SYNE2: variants seen among roughly 807,000 people sequenced by gnomAD.
The protein encoded by SYNE2 is nesprin-2.
A neutral mutation model predicts 856.3 loss-of-function variants in SYNE2; 431 were observed. That is an observed-to-expected ratio of 0.50 (90% confidence interval 0.47 to 0.55). The LOEUF (loss-of-function observed/expected upper bound fraction) is 0.55, where lower values mean the gene tolerates loss of function less well. Ranked by LOEUF, SYNE2 falls within the 20% of genes least tolerant of loss-of-function variation. The probability of loss-of-function intolerance (pLI) is 0.00; values close to 1 mark genes in which losing one functional copy is unlikely to be tolerated. For synonymous variants in SYNE2, 2,923 were observed against 2,872.3 expected, an observed-to-expected ratio of 1.02 and a Z score of -0.56; for missense variants, 8,129 against 8,023.2, an observed-to-expected ratio of 1.01 and a Z score of -0.50.
At chr14:63,948,580 T>G (rs2096073522) in intron 6 of SYNE2, among the ~76,000 whole-genome samples, 1 of 150,318 alleles carries the variant, frequency 6.7e-6, no homozygotes, top group African/African-American at 2.4e-5. Flanking sequence ...GAGAATCACT[T>G]GAACCGGGAG....
chr14:64,020,547 A>G (rs1371028634), intron 35 of SYNE2, among the ~76,000 whole-genome samples: 1 of 152,202 alleles, frequency 6.6e-6, no homozygotes, highest in Middle Eastern at 3.2e-3. Flanking sequence ...CAATGATATT[A>G]TATTTTTGTA....
At position 63,764,556 on chromosome 14, in the gene SYNE2, CTTTTT is replaced by C. The variant is rs34093002; in HGVS notation, c.-305+2582_-305+2586del. ...AAAAAAAAAATCTGTTCTTTTGACT[CTTTTT>C]TTTTTTTTTTTGATTTATTTTACTT... On this transcript the variant is annotated intron_variant, in intron 1 of 23. Transcript: ENST00000674003. 9.9e-5 allele frequency among the ~76,000 whole-genome samples: 12 copies of C among 121,126 alleles called. No homozygotes were observed. The East Asian group carries it at 2.8e-3, about 28-fold the overall frequency. The allele number at this position is 121,126 out of a possible 152,430, so 79.5% of individuals were successfully genotyped here.
intron 96 of SYNE2, among the ~76,000 whole-genome samples, chr14:64,178,640 G>C (rs186021326): frequency 6.6e-4 from 100 of 152,216 alleles, no homozygotes; most frequent in Middle Eastern, 6.8e-3. Context: ...TCTATTTTTT[G>C]TAGAGACAGG....
rs1202585570 is a variant in SYNE2 at position 63,942,033 on chromosome 14, G to A, written c.316-18G>A. The stretch of plus-strand genomic sequence containing the variant: ...CTGGGATATTTCCTCCTTTTAACCT[G>A]CACTTTTTGTTTTCCAGATTAAGCT... On this transcript the variant is annotated intron_variant, in intron 5 of 115. Coordinates refer to ENST00000555002, the MANE Select transcript of SYNE2 (RefSeq NM_182914.3). The A allele has an allele frequency of 6.3e-7, 1 of 1,599,118 alleles. No individual in the cohort carries two copies. Among genetic ancestry groups the A allele is most frequent in the South Asian group, 1.1e-5 (1 of 90,788 alleles).
chr14:64,089,289 C>T (rs1595441902), intron 58 of SYNE2, among the ~76,000 whole-genome samples: 1 of 146,076 alleles, frequency 6.8e-6, no homozygotes, highest in African/African-American at 2.6e-5. Flanking sequence ...TCGCTTGAAC[C>T]TGGGAGGCGG....
At chr14:63,767,890 G>A (rs113199045) in intron 1 of SYNE2, among the ~76,000 whole-genome samples, 2,309 of 152,148 alleles carry the variant, frequency 0.015, 69 homozygotes, top group African/African-American at 0.052. Flanking sequence ...TGAAAGGAGG[G>A]ATATATGAAA....
chr14:64,016,039 C>T (rs1272293852), intron 32 of SYNE2, among the ~76,000 whole-genome samples: 1 of 151,718 alleles, frequency 6.6e-6, no homozygotes, highest in Non-Finnish European at 1.5e-5. Flanking sequence ...AGTTAGAATC[C>T]AAGATGTCTT....
chr14:64,008,412 A>C (rs2096816847), intron 31 of SYNE2, among the ~76,000 whole-genome samples: 1 of 152,170 alleles, frequency 6.6e-6, no homozygotes, highest in Non-Finnish European at 1.5e-5. Flanking sequence ...CCCCTACCTG[A>C]ATGGGAGATG....
chr14:64,086,804 G>C (rs2097566016), intron 57 of SYNE2, among the ~76,000 whole-genome samples: 1 of 142,608 alleles, frequency 7.0e-6, no homozygotes, highest in Non-Finnish European at 1.5e-5. Context: ...CCGCCTCCTG[G>C]GTTCAAGCGA....
chr14:64,068,803 A>C (rs2097377762), intron 51 of SYNE2, among the ~76,000 whole-genome samples: 1 of 147,676 alleles, frequency 6.8e-6, no homozygotes, highest in African/African-American at 2.6e-5. Context: ...GGGAGGTTAC[A>C]GTGAGCCGAG....
chr14:63,808,170 C>G (rs1272922026), intron 1 of SYNE2, among the ~76,000 whole-genome samples: 1 of 151,634 alleles, frequency 6.6e-6, no homozygotes, highest in Non-Finnish European at 1.5e-5. Context: ...TCAAGCGATT[C>G]CCCTGCCTTG....
rs1405161851 is a variant in SYNE2 at position 63,924,832 on chromosome 14, GTGTTTTTTTTTTTT to G, written c.79+15607_79+15620del. Among the ~76,000 whole-genome samples the G allele has an allele frequency of 9.5e-4, 88 of 92,860 alleles. 7 individuals carry two copies. Among genetic ancestry groups the G allele is most frequent in the Middle Eastern group, 5.9e-3 (1 of 170 alleles). 60.9% of individuals were successfully genotyped at this position (92,860 alleles called of 152,430 possible). A position where few individuals can be genotyped will look rare whatever the true frequency, so the allele number is the denominator to read the frequency against. ...TTTAACTTTTTTCCTTCCAGCCTTG[GTGTTTTTTTTTTTT>G]TTTTTTTTTTTTTTTTTGCCTTACT... On this transcript the variant is annotated intron_variant, in intron 2 of 115. Transcript: ENST00000555002.
At position 64,113,369 on chromosome 14, in the gene SYNE2, C is replaced by T; in HGVS notation, c.12638C>T (p.Thr4213Ile). The change falls in exon 66 of 116, where the codon ACT becomes ATT. Residue 4213 changes from threonine (T) to isoleucine (I), a missense_variant. Coordinates refer to ENST00000555002, the MANE Select transcript of SYNE2 (RefSeq NM_182914.3). ...EGTTPPIEAD[T>I]LDSSDAQGGL... Reference sequence around the variant, plus strand: ...ACCACACCTCCTATTGAGGCTGACACTCTGGACTCTTCTGACGCGCAAGGA... The same window carrying T: ...ACCACACCTCCTATTGAGGCTGACATTCTGGACTCTTCTGACGCGCAAGGA... The T allele has an allele frequency of 1.2e-6, 2 of 1,614,078 alleles. No homozygotes were observed. The highest frequency in any genetic ancestry group is 1.7e-6 in the Non-Finnish European group (2 of 1,180,032).
At chr14:63,982,982 A>C (rs866603294) in intron 17 of SYNE2, among the ~76,000 whole-genome samples, 188 bp downstream of exon 17, 1 of 152,250 alleles carries the variant, frequency 6.6e-6, no homozygotes, top group African/African-American at 2.4e-5. Flanking sequence ...ATTTTCTTCC[A>C]ACCCCCACCC....
intron 7 of SYNE2, among the ~76,000 whole-genome samples, chr14:63,951,688 T>TACATTAAATGAACATAAAGA (rs2096163544): frequency 6.6e-6 from 1 of 152,246 alleles, no homozygotes; most frequent in Non-Finnish European, 1.5e-5. Context: ...AGGTTTAAAG[T>TACATTAAATGAACATAAAGA]ACATTAAATG....
At chr14:63,792,183 T>C (rs905134192) in intron 1 of SYNE2, among the ~76,000 whole-genome samples, 21 of 152,086 alleles carry the variant, frequency 1.4e-4, no homozygotes, top group African/African-American at 5.1e-4. Flanking sequence ...GATAAATAAA[T>C]AGGGTTCAAT....
chr14:63,898,553 TGCCACC>T (rs2095291024), intron 1 of SYNE2, among the ~76,000 whole-genome samples: 1 of 151,996 alleles, frequency 6.6e-6, no homozygotes, highest in South Asian at 2.1e-4. Context: ...TACAGGCGCA[TGCCACC>T]GCACCTGGTT....
intron 1 of SYNE2, among the ~76,000 whole-genome samples, chr14:63,881,507 A>G (rs1339371162): frequency 6.6e-6 from 1 of 151,526 alleles, no homozygotes; most frequent in Non-Finnish European, 1.5e-5. Context: ...AAAACAAAAC[A>G]ATCTGATCTT....
chr14:64,125,241 T>C, intron 71 of SYNE2, 31 bp downstream of exon 71: 1 of 1,613,572 alleles, frequency 6.2e-7, no homozygotes, highest in Non-Finnish European at 8.5e-7. Flanking sequence ...GTTTTCCTCA[T>C]TGTAATAACA....
Sources: gnomAD v4.1 joint callset for allele counts (sites outside exome capture counted in the v4.1 genomes callset) on GRCh38, gnomAD v4.1.1 for gene constraint, MANE v1.5 for transcripts, NCBI Gene and HGNC (gene_info 2026-07-23, HGNC 2026-07-21) for gene names.